GLIS1: variants seen among roughly 807,000 people sequenced by gnomAD.
GLIS1 encodes GLIS family zinc finger 1.
GLIS1 carries 24 observed loss-of-function variants against 63.8 expected under a neutral mutation model. The ratio of observed to expected loss-of-function variants is 0.38; its 90% CI spans 0.27 to 0.53. The LOEUF is 0.53. GLIS1 is among the 20% of genes least tolerant of loss of function. The pLI, the probability that GLIS1 is intolerant of heterozygous loss-of-function variation, is 0.85. For synonymous variants in GLIS1, 450 were observed against 482.5 expected (o/e 0.93, Z 0.88); for missense variants, 1,036 against 1,074.1 (o/e 0.96, Z 0.50).
chr1:53,684,890 G>A (rs1333178404), intron 2 of GLIS1, among the ~76,000 whole-genome samples: 1 of 152,160 alleles, frequency 6.6e-6, no homozygotes, highest in Non-Finnish European at 1.5e-5. Context: ...CCAGATCAGT[G>A]AATCCACTCT....
At chr1:53,596,978 A>G (rs1645262039) in intron 3 of GLIS1, among the ~76,000 whole-genome samples, 1 of 151,946 alleles carries the variant, frequency 6.6e-6, no homozygotes, top group African/African-American at 2.4e-5. Context: ...GACCTTGGGC[A>G]GCTCCCCTTC....
intron 2 of GLIS1, among the ~76,000 whole-genome samples, chr1:53,660,302 A>G (rs56784070): frequency 0.018 from 2,697 of 152,224 alleles, 64 homozygotes; most frequent in African/African-American, 0.06. Context: ...TCCCTCTGCC[A>G]CAAGGAAGGA....
chr1:53,706,458 G>T (rs1197364682), intron 2 of GLIS1, among the ~76,000 whole-genome samples: 1 of 152,206 alleles, frequency 6.6e-6, no homozygotes, highest in Non-Finnish European at 1.5e-5. Context: ...CCTCTATGCA[G>T]CCTAGGTCCC....
Position 53,574,454 on chromosome 1 carries a change from C to T in GLIS1, c.1320+19654G>A, listed in dbSNP as rs1487004427. Among the ~76,000 whole-genome samples, 1 of 152,202 alleles carries T rather than the reference C, an allele frequency of 6.6e-6. No homozygotes were observed. Among genetic ancestry groups the T allele is most frequent in the African/African-American group, 2.4e-5 (1 of 41,438 alleles). ...CAGCAGGGCCTCCCACGCAGTCTCC[C>T]CTGGGAGATTACCTGTATACTAATC... On this transcript the variant is annotated intron_variant, in intron 4 of 10. Coordinates refer to ENST00000628545, the MANE Select transcript of GLIS1 (RefSeq NM_001367484.1). This position sits in a 1 kb window ranked among gnomAD's most constrained non-coding sequence, Gnocchi z 4.2.
At chr1:53,572,821 G>T (rs2100469848) in intron 4 of GLIS1, among the ~76,000 whole-genome samples, 1 of 152,300 alleles carries the variant, frequency 6.6e-6, no homozygotes, top group East Asian at 1.9e-4. Flanking sequence ...AAGGGAGGAG[G>T]GTCAGTGGCC....
At chr1:53,632,926 G>A (rs1411776132) in intron 2 of GLIS1, among the ~76,000 whole-genome samples, 1 of 149,876 alleles carries the variant, frequency 6.7e-6, no homozygotes, top group Non-Finnish European at 1.5e-5. Flanking sequence ...GTGAATGAGT[G>A]TGACTGAGGG....
intron 2 of GLIS1, among the ~76,000 whole-genome samples, chr1:53,665,810 G>T (rs1170081214): frequency 6.6e-6 from 1 of 152,178 alleles, no homozygotes; most frequent in Admixed American, 6.5e-5. Flanking sequence ...GTGAGTGTCT[G>T]TATCAGCTAC....
chr1:53,673,386 G>A (rs541685111), intron 2 of GLIS1, among the ~76,000 whole-genome samples: 1 of 152,370 alleles, frequency 6.6e-6, no homozygotes, highest in East Asian at 1.9e-4. Context: ...TGTGCTGAGG[G>A]AATGAACCAA....
chr1:53,650,299 A>G (rs1425933511), intron 2 of GLIS1, among the ~76,000 whole-genome samples: 2 of 152,180 alleles, frequency 1.3e-5, no homozygotes, highest in Admixed American at 1.3e-4. Context: ...CATAAAAAAG[A>G]CCACACTTGG....
rs542872711 is a variant in GLIS1 at position 53,560,830 on chromosome 1, G to A, written c.1321-30878C>T. Among the ~76,000 whole-genome samples, 9 of 152,282 alleles carry A rather than the reference G, an allele frequency of 5.9e-5. No homozygotes were observed. In the South Asian group the frequency reaches 1.9e-3, roughly 32 times the overall value. On this transcript the variant is annotated intron_variant, in intron 4 of 10. Transcript: ENST00000628545. This position sits in a 1 kb window ranked among gnomAD's most constrained non-coding sequence, Gnocchi z 4.4. ...CCCATACCTCAGTACCCCAGGCCTT[G>A]CCACCTGAAGGGGCAATACACCACA...
chr1:53,597,185 A>G, intron 3 of GLIS1, among the ~76,000 whole-genome samples: 1 of 134,342 alleles, frequency 7.4e-6, no homozygotes, highest in Non-Finnish European at 1.6e-5. Context: ...CTAAAAAAAA[A>G]AAAAAAAAAA....
chr1:53,659,186 G>A (rs1487668401), intron 2 of GLIS1, among the ~76,000 whole-genome samples: 1 of 152,160 alleles, frequency 6.6e-6, no homozygotes, highest in Non-Finnish European at 1.5e-5. Flanking sequence ...GGCCAGGAAG[G>A]GAAGGAAACA....
intron 2 of GLIS1, among the ~76,000 whole-genome samples, chr1:53,602,232 C>T (rs1158211296): frequency 6.6e-6 from 1 of 152,100 alleles, no homozygotes; most frequent in Non-Finnish European, 1.5e-5. Flanking sequence ...ATGTGAATGG[C>T]CCGAGTTAAT....
chr1:53,718,946 G>A (rs1050591267), intron 2 of GLIS1, among the ~76,000 whole-genome samples: 2 of 152,170 alleles, frequency 1.3e-5, no homozygotes, highest in African/African-American at 4.8e-5. Flanking sequence ...GAGCTCTTTG[G>A]ACTTGGATGC....
At position 53,560,920 on chromosome 1, in the gene GLIS1, CCAGGCAGA is replaced by C. The variant is rs1644885776; in HGVS notation, c.1321-30976_1321-30969del. 6.6e-6 allele frequency among the ~76,000 whole-genome samples: 1 copy of C among 152,198 alleles called. No individual in the cohort carries two copies. ...CCCCGCCCTGCCCACAGCCAGGCAG[CCAGGCAGA>C]GCTCCAGAGAGGAGGCCGGGCCCAC... On this transcript the variant is annotated intron_variant, in intron 4 of 10. Coordinates refer to ENST00000628545, the MANE Select transcript of GLIS1 (RefSeq NM_001367484.1). This position sits in a 1 kb window ranked among gnomAD's most constrained non-coding sequence, Gnocchi z 4.4.
At chr1:53,573,572 C>T (rs535788500) in intron 4 of GLIS1, among the ~76,000 whole-genome samples, 3 of 152,348 alleles carry the variant, frequency 2.0e-5, no homozygotes, top group African/African-American at 7.2e-5. Context: ...TGGTCAAAAA[C>T]TAACACACAG....
At chr1:53,607,241 C>T (rs1333035898) in intron 2 of GLIS1, among the ~76,000 whole-genome samples, 1 of 152,064 alleles carries the variant, frequency 6.6e-6, no homozygotes, top group Non-Finnish European at 1.5e-5. Context: ...CATTTTTTGA[C>T]AAAAAGCAGG....
chr1:53,669,117 G>A (rs1288699250), intron 2 of GLIS1, among the ~76,000 whole-genome samples: 19 of 152,218 alleles, frequency 1.2e-4, no homozygotes, highest in Non-Finnish European at 1.5e-5. Context: ...TCCTAGCTCA[G>A]CGCTCCTGCA....
In GLIS1 at chr1:53,639,783, C is replaced by A. The variant is rs1645766337; in HGVS notation, c.260-39505G>T. ...CTGTGGGCTTCAATGTATGCAAACC[C>A]TTCTCCCCCAGGACTATACTCCTCA... On this transcript the variant is annotated intron_variant, in intron 2 of 10. Coordinates refer to ENST00000628545, the MANE Select transcript of GLIS1 (RefSeq NM_001367484.1). This position sits in a 1 kb window ranked among gnomAD's most constrained non-coding sequence, Gnocchi z 4.6. Among the ~76,000 whole-genome samples, 2 of 152,124 alleles carry A rather than the reference C, an allele frequency of 1.3e-5. No homozygotes were observed. The highest frequency in any genetic ancestry group is 4.1e-4 in the South Asian group (2 of 4,824).
Sources: gnomAD v4.1 joint callset for allele counts (sites outside exome capture counted in the v4.1 genomes callset) on GRCh38, gnomAD v4.1.1 for gene constraint, Gnocchi (gnomAD v3.1) non-coding constraint, MANE v1.5 for transcripts, NCBI Gene and HGNC (gene_info 2026-07-23, HGNC 2026-07-21) for gene names.